The following PPFIA3 variants were observed in gnomAD, a reference collection of about 807,000 sequenced individuals.
PPFIA3 encodes liprin-alpha-3.
PPFIA3 carries 26 observed loss-of-function variants against 145.8 expected under a neutral mutation model. That is an observed-to-expected ratio of 0.18 (90% CI 0.13 to 0.25). PPFIA3 has a LOEUF of 0.25. Among genes scored for constraint, PPFIA3 ranks in the 10% least tolerant of loss-of-function variants. The pLI, the probability that PPFIA3 is intolerant of heterozygous loss-of-function variation, is 1.00. For synonymous variants in PPFIA3, 645 were observed against 661.4 expected (o/e 0.98, Z 0.38); for missense variants, 1,008 against 1,587.8 (o/e 0.63, Z 6.21).
At chr19:49,139,323 C>CAAAA (rs1223957489) in intron 16 of PPFIA3, among the ~76,000 whole-genome samples, 5 of 111,974 alleles carry the variant, frequency 4.5e-5, no homozygotes, top group Non-Finnish European at 7.7e-5. Context: ...GACTCTGTCT[C>CAAAA]AAAAAAAAAA....
rs894501198 is a variant in PPFIA3, at chr19:49,149,347, A to G, written c.3354+22A>G. 1.9e-6 allele frequency: 3 copies of G among 1,613,070 alleles called. No individual in the cohort carries two copies. Among genetic ancestry groups the G allele is most frequent in the African/African-American group, 1.3e-5 (1 of 74,870 alleles). ...CGAGGTGGGCGCGGCAACAGCTCAG[A>G]GGGCTCTGCTCCCAGCGGCTCCTCG... On this transcript the variant is annotated intron_variant, in intron 27 of 29. Transcript: ENST00000334186. The surrounding 1 kb of genome is among the most constrained non-coding windows in gnomAD (Gnocchi z 5.7).
At chr19:49,126,116 A>G (rs1163551491) in intron 1 of PPFIA3, among the ~76,000 whole-genome samples, 2 of 151,066 alleles carry the variant, frequency 1.3e-5, no homozygotes, top group Non-Finnish European at 3.0e-5. Context: ...ACGCAAGCTA[A>G]TTTTTGTATT....
chr19:49,145,593 G>A (rs545635687), intron 21 of PPFIA3: 9 of 292,350 alleles, frequency 3.1e-5, no homozygotes, highest in South Asian at 2.4e-4. Flanking sequence ...AACCCCCCCC[G>A]CCATACTCCC....
intron 1 of PPFIA3, among the ~76,000 whole-genome samples, chr19:49,126,596 G>A (rs1055750502): frequency 2.1e-5 from 3 of 145,726 alleles, no homozygotes; most frequent in African/African-American, 7.7e-5. Context: ...CCCGAATGGA[G>A]TAGGTCTTTA....
chr19:49,140,569 T>G (rs372297787), intron 18 of PPFIA3, among the ~76,000 whole-genome samples: 5 of 151,510 alleles, frequency 3.3e-5, no homozygotes, highest in African/African-American at 1.2e-4. Context: ...CAGGCTGGTC[T>G]TGAACTCCTG....
intron 23 of PPFIA3, 90 bp from the exon 24 acceptor site, chr19:49,147,993 T>C (rs2041300200): frequency 1.0e-5 from 14 of 1,381,930 alleles, no homozygotes; most frequent in Middle Eastern, 4.7e-4. Context: ...GGAAAAAACC[T>C]TGGATTGGGA....
intron 20 of PPFIA3, 46 bp from the exon 21 acceptor site, chr19:49,142,758 T>TCCTCTGTCCCTCTGTCC (rs767076664): frequency 7.2e-6 from 10 of 1,382,110 alleles, no homozygotes; most frequent in African/African-American, 3.0e-5. Context: ...GATTTTCTCC[T>TCCTCTGTCCCTCTGTCC]CCTCTGTCCC....
intron 1 of PPFIA3, 67 bp from the exon 2 acceptor site, chr19:49,127,792 C>T (rs2041020697): frequency 3.9e-6 from 6 of 1,551,180 alleles, no homozygotes; most frequent in Middle Eastern, 1.8e-4. Flanking sequence ...ATCCGAGTGG[C>T]TGTGCCTCAG....
At position 49,128,155 on chromosome 19, in the gene PPFIA3, C is replaced by T. The variant is rs1370179321; in HGVS notation, c.240+42C>T. On this transcript the variant is annotated intron_variant, in intron 2 of 29. Coordinates refer to ENST00000334186, the MANE Select transcript of PPFIA3 (RefSeq NM_003660.4). The surrounding 1 kb of genome is among the most constrained non-coding windows in gnomAD (Gnocchi z 4.1). ...GGCGGGGCATGAGGGGGCGGGGCCT[C>T]GGGGGGAAGAAGGCGGTCCGGAAGG... The T allele has an allele frequency of 7.0e-6, 9 of 1,285,644 alleles. No homozygotes were observed. Among genetic ancestry groups the T allele is most frequent in the Admixed American group, 2.6e-5 (1 of 38,806 alleles). 79.6% of individuals were successfully genotyped at this position (1,285,644 alleles called of 1,614,324 possible). A position where few individuals can be genotyped will look rare whatever the true frequency, so the allele number is the denominator to read the frequency against.
In PPFIA3 at chr19:49,147,686, AAGAGAG is replaced by A. The variant is rs143496485; in HGVS notation, c.2836-377_2836-372del. ...GGGTGACATAGCAGACTCTTTCAGAAAGAGAGAGAGAGAGAGAGAGAGAGAAAGAGA... is the reference window on the plus strand; with the variant it reads ...GGGTGACATAGCAGACTCTTTCAGAAAGAGAGAGAGAGAGAGAGAAAGAGA... On this transcript the variant is annotated intron_variant, in intron 23 of 29. Transcript: ENST00000334186. Among the ~76,000 whole-genome samples, 843 of 145,814 alleles carry A rather than the reference AAGAGAG, an allele frequency of 5.8e-3. 7 individuals carry two copies. Among genetic ancestry groups the A allele is most frequent in the African/African-American group, 0.02 (767 of 38,924 alleles).
At chr19:49,144,201 G>A (rs1196171396) in intron 21 of PPFIA3, among the ~76,000 whole-genome samples, 1 of 151,904 alleles carries the variant, frequency 6.6e-6, no homozygotes, top group Non-Finnish European at 1.5e-5. Context: ...AGTAGAGATG[G>A]GGTTTCACCA....
Position 49,138,900 on chromosome 19 carries a change from G to A in PPFIA3, c.2076+473G>A, listed in dbSNP as rs2041174364. On this transcript the variant is annotated intron_variant, in intron 16 of 29. Transcript: ENST00000334186. ...GCAGGAGAATCAATTGAACCCAAGA[G>A]GCAGAGTTTGCAGTGAGTTGAAATT... is the stretch of plus-strand genomic sequence containing the variant. 2.0e-5 allele frequency among the ~76,000 whole-genome samples: 3 copies of A among 152,180 alleles called. No homozygotes were observed. The South Asian group carries it at 6.2e-4, about 32-fold the overall frequency.
chr19:49,134,751 G>A, intron 12 of PPFIA3, 50 bp downstream of exon 12: 1 of 1,612,340 alleles, frequency 6.2e-7, no homozygotes, highest in Non-Finnish European at 8.5e-7. Flanking sequence ...AGTGGTTGCT[G>A]AGGCTAGGGT....
At chr19:49,145,868 T>C (rs988342517) in intron 21 of PPFIA3, 75 bp from the exon 22 acceptor site, 1 of 1,356,644 alleles carries the variant, frequency 7.4e-7, no homozygotes, top group African/African-American at 1.4e-5. Flanking sequence ...CCCAGGGCCT[T>C]CAGGAGGACA....
chr19:49,133,145 C>A lies in PPFIA3; in HGVS notation c.1024C>A (p.Gln342Lys). The change falls in exon 8 of 30, where the codon CAG becomes AAG. Residue 342 changes from glutamine (Q) to lysine (K), a missense_variant and splice_region_variant. Gln to Lys is a moderately conservative substitution (Grantham distance 53, BLOSUM62 1). Transcript: ENST00000334186. This position sits in a 1 kb window ranked among gnomAD's most constrained non-coding sequence, Gnocchi z 7.2. Reference protein sequence around the residue: ...ELASKESLYRQSEEKSRQLAE... With the variant: ...ELASKESLYRKSEEKSRQLAE... ...AGCTAGCAAGGAGTCGTTGTATCGG[C>A]AGGTGGGGGCGCGGCCGGGAGGGGC... The A allele has an allele frequency of 6.3e-7, 1 of 1,596,690 alleles. No individual in the cohort carries two copies. Among genetic ancestry groups the A allele is most frequent in the Non-Finnish European group, 8.5e-7 (1 of 1,169,998 alleles).
chr19:49,141,887 A>T (rs577174223), intron 19 of PPFIA3, 147 bp from the exon 20 acceptor site: 2 of 452,188 alleles, frequency 4.4e-6, no homozygotes, highest in Admixed American at 4.3e-5. Flanking sequence ...GTATTTTTTG[A>T]CCTTCTGCCG....
chr19:49,126,619 G>GC (rs2041003262), intron 1 of PPFIA3, among the ~76,000 whole-genome samples: 1 of 149,026 alleles, frequency 6.7e-6, no homozygotes, highest in Non-Finnish European at 1.5e-5. Context: ...TTCTTAGGGA[G>GC]CCGGGGTCCA....
At position 49,133,804 on chromosome 19, in the gene PPFIA3, A is replaced by G. The variant is rs371018907; in HGVS notation, c.1170A>G (p.Glu390=). The G allele has an allele frequency of 1.7e-5, 27 of 1,612,438 alleles. No individual in the cohort carries two copies. The highest frequency in any genetic ancestry group is 2.2e-5 in the Non-Finnish European group (26 of 1,179,324). ...TGGGTTCCATCTCCTAGGCCGAGGA[A>G]CGTCATGGGAATTTTGAGGAGCGGC... ...QRVAALNKAE[E]RHGNFEERLR... Residue 390 remains glutamate (E), a synonymous_variant, in exon 10 of 30, where the codon GAA becomes GAG. Coordinates refer to ENST00000334186, the MANE Select transcript of PPFIA3 (RefSeq NM_003660.4). The surrounding 1 kb of genome is among the most constrained non-coding windows in gnomAD (Gnocchi z 7.2).
rs953327097 is a variant in PPFIA3, at chr19:49,127,872, C to T, written c.-2C>T. The T allele has an allele frequency of 1.1e-5, 17 of 1,591,782 alleles. 1 individual carries two copies. The highest frequency in any genetic ancestry group is 7.6e-6 in the Non-Finnish European group (9 of 1,177,728). ...CCCGCCCCGCAGGCCCGCACCGCCG[C>T]CATGATGTGCGAGGTGATGCCCACC... On this transcript the variant is annotated 5_prime_UTR_variant, in exon 2 of 30. Transcript: ENST00000334186.
Sources: gnomAD v4.1 joint callset for allele counts (sites outside exome capture counted in the v4.1 genomes callset) on GRCh38, gnomAD v4.1.1 for gene constraint, Gnocchi (gnomAD v3.1) non-coding constraint, MANE v1.5 for transcripts, NCBI Gene and HGNC (gene_info 2026-07-23, HGNC 2026-07-21) for gene names.